Variants in BRD4 observed in about 807,000 individuals in gnomAD.
BRD4 encodes the protein bromodomain-containing protein 4.
BRD4 carries 16 observed loss-of-function variants against 142.1 expected under a neutral mutation model. The ratio of observed to expected loss-of-function variants is 0.11; its 90% CI spans 0.08 to 0.17. The LOEUF (loss-of-function observed/expected upper bound fraction) is 0.17, where lower values mean the gene tolerates loss of function less well. Among genes scored for constraint, BRD4 ranks in the 10% least tolerant of loss-of-function variants. The pLI, the probability that BRD4 is intolerant of heterozygous loss-of-function variation, is 1.00. For missense variants in BRD4, 1,424 were observed against 1,810.9 expected, an observed-to-expected ratio of 0.79 and a Z score of 3.88; for synonymous variants, 833 against 707.5, an observed-to-expected ratio of 1.18 and a Z score of -2.82.
intron 1 of BRD4, among the ~76,000 whole-genome samples, chr19:15,328,317 G>T (rs1318814379): frequency 6.6e-6 from 1 of 152,108 alleles, no homozygotes; most frequent in African/African-American, 2.4e-5. Context: ...GACAACATGA[G>T]ATTCACATTA....
intron 1 of BRD4, among the ~76,000 whole-genome samples, chr19:15,313,717 T>C (rs565109863): frequency 6.6e-6 from 1 of 152,172 alleles, no homozygotes; most frequent in Admixed American, 6.5e-5. Context: ...AACTGTTTAA[T>C]GTATTAATAT....
chr19:15,280,852 T>C (rs2047698369), intron 1 of BRD4, among the ~76,000 whole-genome samples: 1 of 152,234 alleles, frequency 6.6e-6, no homozygotes, highest in African/African-American at 2.4e-5. Context: ...TGAGGGACCC[T>C]GACTGGTAAA....
rs1388389872 is a variant in BRD4, at chr19:15,244,096, G to A, written c.2581+135C>T. On this transcript the variant is annotated intron_variant, in intron 13 of 19. Transcript: ENST00000679869. Reference sequence around the variant, plus strand: ...CCTTTAACTTCCAAGATGGCCTCGAGAAGCCACAGATCTTCCCTCTAGAGA... The same window carrying A: ...CCTTTAACTTCCAAGATGGCCTCGAAAAGCCACAGATCTTCCCTCTAGAGA... The A allele has an allele frequency of 1.1e-5, 16 of 1,485,820 alleles. No homozygotes were observed. The South Asian group carries it at 1.1e-4, about 10-fold the overall frequency. 92.0% of individuals were successfully genotyped at this position (1,485,820 alleles called of 1,614,324 possible).
Position 15,254,248 on chromosome 19 carries a change from C to T in BRD4, c.2062G>A (p.Val688Met). The T allele has an allele frequency of 6.2e-7, 1 of 1,614,210 alleles. No individual in the cohort carries two copies. The highest frequency in any genetic ancestry group is 8.5e-7 in the Non-Finnish European group (1 of 1,180,034). Residue 688 changes from valine to methionine, a missense_variant, in exon 11 of 20, where the codon GTG becomes ATG. Transcript: ENST00000679869. ...KRKPQAEKVDVIAGSSKMKGF... is the reference protein window; with the variant it reads ...KRKPQAEKVDMIAGSSKMKGF... Reference sequence around the variant, plus strand: ...TTCATCTTGGAGGAGCCGGCAATCACATCAACTTTCTCAGCTGCAATCCAA... The same window carrying T: ...TTCATCTTGGAGGAGCCGGCAATCATATCAACTTTCTCAGCTGCAATCCAA...
intron 1 of BRD4, among the ~76,000 whole-genome samples, chr19:15,298,620 C>CA (rs57719337): frequency 7.6e-5 from 5 of 66,038 alleles, no homozygotes; most frequent in Non-Finnish European, 8.3e-5. Flanking sequence ...GACTCCAACT[C>CA]AAAAAAAAAA....
intron 1 of BRD4, among the ~76,000 whole-genome samples, chr19:15,277,788 T>A (rs991274013): frequency 2.9e-5 from 4 of 137,706 alleles, no homozygotes; most frequent in African/African-American, 1.0e-4. Flanking sequence ...AGACTCCGTC[T>A]CCAAAACAAA....
chr19:15,295,879 G>A (rs1177870917), intron 1 of BRD4, among the ~76,000 whole-genome samples: 1 of 152,242 alleles, frequency 6.6e-6, no homozygotes, highest in African/African-American at 2.4e-5. Context: ...ACTGAGGCAG[G>A]AGAACTGCTT....
chr19:15,255,630 C>T (rs763261652), intron 9 of BRD4, 38 bp from the exon 10 acceptor site: 25 of 1,555,208 alleles, frequency 1.6e-5, no homozygotes, highest in African/African-American at 4.1e-5. Context: ...AAGAACGGGC[C>T]CCCTGAGGAA....
chr19:15,290,931 G>T lies in BRD4; in HGVS notation c.-34-17798C>A, dbSNP rs567397239. On this transcript the variant is annotated intron_variant, in intron 1 of 19. Coordinates refer to ENST00000679869, the MANE Select transcript of BRD4 (RefSeq NM_001379291.1). Reference sequence around the variant, plus strand: ...AAAAGCGTTCTTCATAAATGAAAAAGAAAAGAAAAAACTCTATTGCATTAA... The same window carrying T: ...AAAAGCGTTCTTCATAAATGAAAAATAAAAGAAAAAACTCTATTGCATTAA... 5.3e-5 allele frequency among the ~76,000 whole-genome samples: 8 copies of T among 152,148 alleles called. No homozygotes were observed. In the East Asian group the frequency reaches 1.4e-3, roughly 26 times the overall value.
chr19:15,249,112 C>A (rs2145538433), intron 11 of BRD4: 2 of 1,138,360 alleles, frequency 1.8e-6, no homozygotes, highest in Non-Finnish European at 2.5e-6. Context: ...TAGGCGTGTG[C>A]TGCTGGACAT....
At chr19:15,256,350 G>A (rs2047408620) in intron 8 of BRD4, 87 bp from the exon 9 acceptor site, 1 of 1,504,266 alleles carries the variant, frequency 6.6e-7, no homozygotes, top group African/African-American at 1.4e-5. Context: ...CAAAAAACAT[G>A]CGACAGCATG....
chr19:15,270,106 T>C (rs1181707971), intron 2 of BRD4, among the ~76,000 whole-genome samples: 4 of 152,144 alleles, frequency 2.6e-5, no homozygotes, highest in Non-Finnish European at 5.9e-5. Flanking sequence ...TAAGTTCAAG[T>C]GGTGTATCAG....
chr19:15,323,967 C>T (rs1192574498), intron 1 of BRD4, among the ~76,000 whole-genome samples: 2 of 152,214 alleles, frequency 1.3e-5, no homozygotes, highest in Non-Finnish European at 2.9e-5. Context: ...ACTGTGCAGG[C>T]ACACTGATCC....
rs2047270459 is a variant in BRD4 at position 15,244,722 on chromosome 19, C to T, written c.2199G>A (p.Arg733=). ...TGAGCCCATGTACCTTCTTCTGCTCCCTCCCGGGGTGCCCCTTCTTTTTTG... is the reference window on the plus strand; with the variant it reads ...TGAGCCCATGTACCTTCTTCTGCTCTCTCCCGGGGTGCCCCTTCTTTTTTG... ...PKSKKKGHPG[R]EQKKHHHHHH... Residue 733 remains arginine, a synonymous_variant, in exon 12 of 20, where the codon AGG becomes AGA. Transcript: ENST00000679869. 1 of 1,613,978 alleles carries T rather than the reference C, an allele frequency of 6.2e-7. No individual in the cohort carries two copies. The highest frequency in any genetic ancestry group is 1.3e-5 in the African/African-American group (1 of 74,884).
chr19:15,240,115 G>C, intron 14 of BRD4, 93 bp from the exon 15 acceptor site: 1 of 1,482,272 alleles, frequency 6.7e-7, no homozygotes, highest in South Asian at 1.4e-5. Flanking sequence ...GCTGTATGGA[G>C]AAACTGCATG....
At chr19:15,245,153 C>T (rs1242821095) in intron 11 of BRD4, among the ~76,000 whole-genome samples, 1 of 152,072 alleles carries the variant, frequency 6.6e-6, no homozygotes, top group Non-Finnish European at 1.5e-5. Context: ...GTGATGGTTG[C>T]AATGGTCACA....
At chr19:15,286,337 T>C (rs906365741) in intron 1 of BRD4, among the ~76,000 whole-genome samples, 19 of 152,120 alleles carry the variant, frequency 1.2e-4, no homozygotes, top group Non-Finnish European at 5.9e-5. Context: ...GAGGCCTTAT[T>C]AGCACAGAAG....
intron 1 of BRD4, among the ~76,000 whole-genome samples, chr19:15,330,402 G>GC (rs1253252869): frequency 1.3e-5 from 2 of 152,058 alleles, no homozygotes; most frequent in African/African-American, 4.8e-5. Context: ...TATCTACAAC[G>GC]CATCAGTGAT....
At chr19:15,256,762 C>T (rs545579446) in intron 8 of BRD4, among the ~76,000 whole-genome samples, 7 of 152,244 alleles carry the variant, frequency 4.6e-5, no homozygotes, top group South Asian at 2.1e-4. Flanking sequence ...CATCCCCAAC[C>T]GCAAGCTCAA....
Sources: gnomAD v4.1 joint callset for allele counts (sites outside exome capture counted in the v4.1 genomes callset) on GRCh38, gnomAD v4.1.1 for gene constraint, MANE v1.5 for transcripts, NCBI Gene and HGNC (gene_info 2026-07-23, HGNC 2026-07-21) for gene names.